SHC2: variants seen among roughly 807,000 people sequenced by gnomAD.
SHC2 encodes the protein SHC-transforming protein 2.
A neutral mutation model predicts 60.6 loss-of-function variants in SHC2; 62 were observed. The ratio of observed to expected loss-of-function variants is 1.02; its 90% confidence interval spans 0.83 to 1.26. SHC2 has a LOEUF of 1.26. Ranked by LOEUF, SHC2 falls within the 50% of genes most tolerant of loss-of-function variation. The pLI is 0.00. For missense variants in SHC2, 873 were observed against 822.2 expected (o/e 1.06, Z -0.76); for synonymous variants, 375 against 372.4 (o/e 1.01, Z -0.08).
In SHC2 at chr19:425,136, C is replaced by T. The variant is rs769654122; in HGVS notation, c.1270G>A (p.Glu424Lys). Residue 424 changes from glutamate to lysine, a missense_variant, in exon 10 of 13, where the codon GAG (glutamate) becomes AAG (lysine). By Grantham distance (56) the Glu-to-Lys change is moderately conservative. Transcript: ENST00000264554. The surrounding 1 kb of genome is among the most constrained non-coding windows in gnomAD (Gnocchi z 4.1). ...TCCTTTTTGGGGCTGTCCTCCGGCT[C>T]GGGGGCGTCCAGACCCTGGGTGTTG... ...YVNTQGLDAP[E>K]PEDSPKKDLF... The T allele has an allele frequency of 2.6e-5, 37 of 1,398,422 alleles. 1 individual carries two copies. The highest frequency in any genetic ancestry group is 2.5e-4 in the African/African-American group (17 of 67,314). The allele number at this position is 1,398,422 out of a possible 1,614,324, so 86.6% of individuals were successfully genotyped here. A position where few individuals can be genotyped will look rare whatever the true frequency, so the allele number is the denominator to read the frequency against.
chr19:440,872 G>A lies in SHC2; in HGVS notation c.529C>T (p.Gln177Ter), dbSNP rs1338746557. The A allele has an allele frequency of 1.2e-6, 2 of 1,612,552 alleles. No homozygotes were observed. The highest frequency in any genetic ancestry group is 2.2e-5 in the East Asian group (1 of 44,892). Residue 177 changes from glutamine (Q) to a stop codon, truncating the protein, a stop_gained, in exon 2 of 13, where the codon CAG becomes TAG. Coordinates refer to ENST00000264554, the MANE Select transcript of SHC2 (RefSeq NM_012435.3). LOFTEE classifies it high-confidence loss of function. The surrounding 1 kb of genome is among the most constrained non-coding windows in gnomAD (Gnocchi z 7.0). ...GGGTTGGAGGCTCACCTGGTCACCTGCGTGCGCGTGTTAAAGTCCAGGGAG... is the reference window on the plus strand; with the variant it reads ...GGGTTGGAGGCTCACCTGGTCACCTACGTGCGCGTGTTAAAGTCCAGGGAG... ...MRSLDFNTRT[Q>*]VTREAINRLH...
chr19:421,416 AG>A (rs1358385260), intron 11 of SHC2, among the ~76,000 whole-genome samples: 2 of 145,162 alleles, frequency 1.4e-5, no homozygotes, highest in African/African-American at 2.6e-5. Flanking sequence ...AAAAAAAAAA[AG>A]AAAAGAAAAG....
intron 2 of SHC2, 21 bp from the exon 3 acceptor site, chr19:439,051 C>A (rs1381365669): frequency 7.3e-7 from 1 of 1,361,900 alleles, no homozygotes; most frequent in Non-Finnish European, 9.7e-7. Context: ...GAGGAGGGGG[C>A]TTAGAGAGTG....
Position 445,915 on chromosome 19 carries a change from G to T in SHC2, c.469-4983C>A, listed in dbSNP as rs180710949. Among the ~76,000 whole-genome samples, 1 of 151,822 alleles carries T rather than the reference G, an allele frequency of 6.6e-6. No homozygotes were observed. Among genetic ancestry groups the T allele is most frequent in the South Asian group, 2.1e-4 (1 of 4,790 alleles). On this transcript the variant is annotated intron_variant, in intron 1 of 12. Coordinates refer to ENST00000264554, the MANE Select transcript of SHC2 (RefSeq NM_012435.3). This position sits in a 1 kb window ranked among gnomAD's most constrained non-coding sequence, Gnocchi z 4.4. ...ATAAAAATAAAAAAATTAGCTGGGC[G>T]TGGTGGTTGCATGCCTGTAATCCCA...
rs757191912 is a variant in SHC2 at position 422,286 on chromosome 19, G to A, written c.1480C>T (p.Arg494Cys). Residue 494 changes from arginine to cysteine, a missense_variant, in exon 11 of 13, where the codon CGC becomes TGC. Coordinates refer to ENST00000264554, the MANE Select transcript of SHC2 (RefSeq NM_012435.3). This position sits in a 1 kb window ranked among gnomAD's most constrained non-coding sequence, Gnocchi z 5.0. ...CGAAGCATCCTCTCTGCCGCCCGGC[G>A]GCTCATCCGGCCGTGGTACCAGGGC... is the stretch of plus-strand genomic sequence containing the variant. ...QEPWYHGRMS[R>C]RAAERMLRAD... 9.3e-6 allele frequency: 15 copies of A among 1,612,160 alleles called. No individual in the cohort carries two copies. The highest frequency in any genetic ancestry group is 4.0e-5 in the African/African-American group (3 of 74,928).
chr19:451,683 CA>C (rs1424383286), intron 1 of SHC2, among the ~76,000 whole-genome samples: 1 of 152,144 alleles, frequency 6.6e-6, no homozygotes, highest in Non-Finnish European at 1.5e-5. Context: ...CTGCAACCTC[CA>C]CCTCTTGGGT....
Position 422,386 on chromosome 19 carries a change from G to C in SHC2, c.1380C>G (p.Pro460=), listed in dbSNP as rs752276123. 6.2e-7 allele frequency: 1 copy of C among 1,601,204 alleles called. No homozygotes were observed. Among genetic ancestry groups the C allele is most frequent in the Non-Finnish European group, 8.5e-7 (1 of 1,174,766 alleles). ...GGGGGCTGGGCCACTGGTCCTCCAAGGGAAGAGGGGCTGCTGTCACGCCTG... is the reference window on the plus strand; with the variant it reads ...GGGGGCTGGGCCACTGGTCCTCCAACGGAAGAGGGGCTGCTGTCACGCCTG... ...VAAGVTAAPL[P]LEDQWPSPPT... Residue 460 remains proline (P), a synonymous_variant, in exon 11 of 13, where the codon CCC becomes CCG. Transcript: ENST00000264554. The surrounding 1 kb of genome is among the most constrained non-coding windows in gnomAD (Gnocchi z 5.0).
intron 12 of SHC2, among the ~76,000 whole-genome samples, chr19:417,698 C>T (rs928836821): frequency 6.6e-6 from 1 of 152,230 alleles, no homozygotes. Context: ...GGGACGCAGG[C>T]AGGGACCGGT....
chr19:422,565 C>A lies in SHC2; in HGVS notation c.1310-109G>T, dbSNP rs1172657028. 3.3e-6 allele frequency: 3 copies of A among 911,636 alleles called. No individual in the cohort carries two copies. The highest frequency in any genetic ancestry group is 3.5e-5 in the South Asian group (2 of 56,692). The allele number at this position is 911,636 out of a possible 1,614,324, so 56.5% of individuals were successfully genotyped here. A position where few individuals can be genotyped will look rare whatever the true frequency, so the allele number is the denominator to read the frequency against. ...CCCGGGGAGTCCCTCGTGCACCCGTCGGCCTGCGCTGACCGAGCGCCCACA... is the reference window on the plus strand; with the variant it reads ...CCCGGGGAGTCCCTCGTGCACCCGTAGGCCTGCGCTGACCGAGCGCCCACA... On this transcript the variant is annotated intron_variant, in intron 10 of 12. Transcript: ENST00000264554. This position sits in a 1 kb window ranked among gnomAD's most constrained non-coding sequence, Gnocchi z 5.0.
chr19:437,787 G>T (rs939082568), intron 4 of SHC2, among the ~76,000 whole-genome samples: 3 of 151,810 alleles, frequency 2.0e-5, no homozygotes, highest in Non-Finnish European at 4.4e-5. Flanking sequence ...TCCTCACGAT[G>T]ATCCATGCTA....
chr19:454,161 T>G (rs1975273916), intron 1 of SHC2, among the ~76,000 whole-genome samples: 1 of 151,992 alleles, frequency 6.6e-6, no homozygotes, highest in South Asian at 2.1e-4. Context: ...AAAAGTCAGG[T>G]AAAATGAAGC....
chr19:457,061 C>A (rs971502407), intron 1 of SHC2, among the ~76,000 whole-genome samples: 1 of 151,346 alleles, frequency 6.6e-6, no homozygotes, highest in Non-Finnish European at 1.5e-5. Flanking sequence ...CTGCTGTGCC[C>A]CGCCTAGAAC....
Position 436,426 on chromosome 19 carries a change from C to T in SHC2, c.780G>A (p.Met260Ile), listed in dbSNP as rs561860596. The change falls in exon 6 of 13, where the codon ATG (methionine) becomes ATA (isoleucine). Residue 260 changes from methionine (M) to isoleucine (I), a missense_variant. Coordinates refer to ENST00000264554, the MANE Select transcript of SHC2 (RefSeq NM_012435.3). ...TGGCGACGTAGGCCACGTAATCCGT[C>T]ATGTCCTGGGGGCGGGGAGGGGCCA... ...ISFASGGDTD[M>I]TDYVAYVAKD... The T allele has an allele frequency of 3.9e-5, 62 of 1,601,904 alleles. No homozygotes were observed. In the African/African-American group the frequency reaches 7.4e-4, roughly 19 times the overall value.
At chr19:457,835 G>T (rs539262768) in intron 1 of SHC2, among the ~76,000 whole-genome samples, 1 of 152,392 alleles carries the variant, frequency 6.6e-6, no homozygotes, top group South Asian at 2.1e-4. Flanking sequence ...CCGGCCGTCG[G>T]CGTTAAACTT....
At chr19:459,000 T>A (rs891864963) in intron 1 of SHC2, among the ~76,000 whole-genome samples, 11 of 152,096 alleles carry the variant, frequency 7.2e-5, no homozygotes, top group Non-Finnish European at 1.6e-4. Context: ...CACCTCTGCC[T>A]GTCTCCTAAC....
intron 12 of SHC2, among the ~76,000 whole-genome samples, chr19:417,754 T>G (rs1240958720): frequency 6.6e-6 from 1 of 152,094 alleles, no homozygotes; most frequent in African/African-American, 2.4e-5. Context: ...GCAGGCAGTT[T>G]CAGGTGCTTT....
rs1174801930 is a variant in SHC2 at position 438,170 on chromosome 19, G to A, written c.720+548C>T. ...GGCTAATCTTTGTATTTTTTGTAGA[G>A]TCAGCCATGTTGGCCAGGCTGGTCT... On this transcript the variant is annotated intron_variant, in intron 4 of 12. Transcript: ENST00000264554. This position sits in a 1 kb window ranked among gnomAD's most constrained non-coding sequence, Gnocchi z 5.0. Among the ~76,000 whole-genome samples the A allele has an allele frequency of 6.6e-6, 1 of 151,958 alleles. No individual in the cohort carries two copies. The highest frequency in any genetic ancestry group is 1.5e-5 in the Non-Finnish European group (1 of 68,010).
Position 422,624 on chromosome 19 carries a change from C to A in SHC2, c.1310-168G>T. The A allele has an allele frequency of 1.6e-6, 1 of 618,752 alleles. No individual in the cohort carries two copies. The highest frequency in any genetic ancestry group is 2.8e-5 in the East Asian group (1 of 35,522). The allele number at this position is 618,752 out of a possible 1,614,324, so 38.3% of individuals were successfully genotyped here. A position where few individuals can be genotyped will look rare whatever the true frequency, so the allele number is the denominator to read the frequency against. On this transcript the variant is annotated intron_variant, in intron 10 of 12. Transcript: ENST00000264554. The surrounding 1 kb of genome is among the most constrained non-coding windows in gnomAD (Gnocchi z 5.0). ...GACTCGCACTCTGCCCAGCCCCGTGCGTGCGGTGGGCTCACATGTGTAGCA... is the reference window on the plus strand; with the variant it reads ...GACTCGCACTCTGCCCAGCCCCGTGAGTGCGGTGGGCTCACATGTGTAGCA...
intron 2 of SHC2, 30 bp from the exon 3 acceptor site, chr19:439,060 T>A (rs1258750651): frequency 6.8e-6 from 9 of 1,319,844 alleles, no homozygotes; most frequent in Non-Finnish European, 8.8e-6. Context: ...GCTTAGAGAG[T>A]GTGGTGGGGG....
Sources: gnomAD v4.1 joint callset for allele counts (sites outside exome capture counted in the v4.1 genomes callset) on GRCh38, gnomAD v4.1.1 for gene constraint, Gnocchi (gnomAD v3.1) non-coding constraint, MANE v1.5 for transcripts, NCBI Gene and HGNC (gene_info 2026-07-23, HGNC 2026-07-21) for gene names.